The following SEC63 variants were observed in gnomAD, a reference collection of about 807,000 sequenced individuals.
SEC63 encodes SEC63 protein translocation regulator.
Under a neutral mutation model 116.2 loss-of-function variants are expected in SEC63, and 56 were observed. The ratio of observed to expected loss-of-function variants is 0.48; its 90% CI spans 0.39 to 0.60. SEC63 has a LOEUF of 0.60. Among genes scored for constraint, SEC63 ranks in the 20% least tolerant of loss-of-function variants. The pLI, the probability that SEC63 is intolerant of heterozygous loss-of-function variation, is 0.00. For missense variants in SEC63, 668 were observed against 900.0 expected (o/e 0.74, Z 3.30); for synonymous variants, 273 against 294.6 (o/e 0.93, Z 0.75).
chr6:107,910,700 TA>T (rs1393783158), intron 7 of SEC63, among the ~76,000 whole-genome samples: 1 of 152,140 alleles, frequency 6.6e-6, no homozygotes, highest in Non-Finnish European at 1.5e-5. Flanking sequence ...ATGTCATACA[TA>T]TATACATACA....
chr6:107,911,467 G>T, intron 6 of SEC63, 71 bp from the exon 7 acceptor site: 1 of 1,049,742 alleles, frequency 9.5e-7, no homozygotes, highest in South Asian at 1.3e-5. Context: ...AATTTATTTT[G>T]AGGCTTACAA....
chr6:107,890,723 T>C (rs1340495504), intron 16 of SEC63, among the ~76,000 whole-genome samples: 1 of 152,222 alleles, frequency 6.6e-6, no homozygotes, highest in Non-Finnish European at 1.5e-5. Flanking sequence ...TTCCTTTCCA[T>C]GTTTAGTGCT....
In SEC63 at chr6:107,881,141, T is replaced by C; in HGVS notation, c.1935+8A>G. 1 of 1,569,280 alleles carries C rather than the reference T, an allele frequency of 6.4e-7. No homozygotes were observed. The highest frequency in any genetic ancestry group is 8.8e-7 in the Non-Finnish European group (1 of 1,140,746). On this transcript the variant is annotated splice_region_variant and intron_variant, in intron 18 of 20. Coordinates refer to ENST00000369002, the MANE Select transcript of SEC63 (RefSeq NM_007214.5). Reference sequence around the variant, plus strand: ...AATAAGGAACACAGTAGCCTGTATATAACTCACCTCAGGAAAGTAAAGGCT... The same window carrying C: ...AATAAGGAACACAGTAGCCTGTATACAACTCACCTCAGGAAAGTAAAGGCT...
intron 3 of SEC63, among the ~76,000 whole-genome samples, chr6:107,922,891 T>C (rs1196883534): frequency 6.6e-6 from 1 of 151,782 alleles, no homozygotes; most frequent in Non-Finnish European, 1.5e-5. Flanking sequence ...TAAAAGTAAG[T>C]GCCATGGGGG....
intron 4 of SEC63, among the ~76,000 whole-genome samples, chr6:107,920,522 A>C (rs1787531988): frequency 6.6e-6 from 1 of 152,172 alleles, no homozygotes; most frequent in Admixed American, 6.5e-5. Context: ...TAGGAAACAA[A>C]AAAATTTGTG....
chr6:107,867,756 T>G lies in SEC63; in HGVS notation c.*3948A>C, dbSNP rs374547546. ...TGGACCCAAATCAGAAAAAAAAAAA[T>G]TAATGCACCAATAAATGTTTATTTA... is the stretch of plus-strand genomic sequence containing the variant. On this transcript the variant is annotated 3_prime_UTR_variant, in exon 21 of 21. Coordinates refer to ENST00000369002, the MANE Select transcript of SEC63 (RefSeq NM_007214.5). The G allele has an allele frequency of 1.5e-5, 2 of 134,090 alleles. No homozygotes were observed. Among genetic ancestry groups the G allele is most frequent in the Admixed American group, 7.4e-5 (1 of 13,472 alleles). The allele number at this position is 134,090 out of a possible 1,614,324, so 8.3% of individuals were successfully genotyped here.
At chr6:107,886,745 T>G (rs921025050) in intron 16 of SEC63, among the ~76,000 whole-genome samples, 8 of 152,198 alleles carry the variant, frequency 5.3e-5, no homozygotes, top group Admixed American at 2.0e-4. Flanking sequence ...TCTTTGTAGA[T>G]TCTGGCTATC....
chr6:107,903,371 T>A (rs1448719901), intron 11 of SEC63, among the ~76,000 whole-genome samples: 2 of 151,638 alleles, frequency 1.3e-5, no homozygotes, highest in Non-Finnish European at 2.9e-5. Context: ...GACCAGAAAT[T>A]CCCTCATTCT....
chr6:107,934,650 A>G (rs1157791232), intron 1 of SEC63, among the ~76,000 whole-genome samples: 1 of 121,794 alleles, frequency 8.2e-6, no homozygotes. Context: ...CAGGCCAGCC[A>G]CCCCGTCCAG....
intron 13 of SEC63, among the ~76,000 whole-genome samples, chr6:107,897,990 C>T (rs1786902784): frequency 6.6e-6 from 1 of 152,116 alleles, no homozygotes; most frequent in African/African-American, 2.4e-5. Flanking sequence ...TTTAGCCAGG[C>T]TTGGTGGCTC....
chr6:107,934,411 C>T (rs1442945663), intron 1 of SEC63, among the ~76,000 whole-genome samples: 5 of 150,870 alleles, frequency 3.3e-5, no homozygotes, highest in Admixed American at 6.6e-5. Flanking sequence ...CTGTGCCCCG[C>T]GGCCCCGTCT....
intron 7 of SEC63, among the ~76,000 whole-genome samples, chr6:107,909,428 A>C (rs932259151): frequency 3.3e-5 from 5 of 152,028 alleles, no homozygotes; most frequent in African/African-American, 1.2e-4. Flanking sequence ...AGTTTGAGGC[A>C]GAATATGTTT....
At chr6:107,910,193 T>C (rs1056056132) in intron 7 of SEC63, among the ~76,000 whole-genome samples, 3 of 152,166 alleles carry the variant, frequency 2.0e-5, no homozygotes, top group Admixed American at 6.5e-5. Flanking sequence ...CAGCCAGGCA[T>C]GGTGGTTCAC....
In SEC63 at chr6:107,869,779, T is replaced by TTG. The variant is rs1786086876; in HGVS notation, c.*1924_*1925insCA. Reference sequence around the variant, plus strand: ...AATTTTCTGGTGATGGTAGTTTTTTTTTTTTTTTTTTTTTTAAGCACTGTG... The same window carrying TTG: ...AATTTTCTGGTGATGGTAGTTTTTTTTGTTTTTTTTTTTTTTTAAGCACTGTG... On this transcript the variant is annotated 3_prime_UTR_variant, in exon 21 of 21. Coordinates refer to ENST00000369002, the MANE Select transcript of SEC63 (RefSeq NM_007214.5). 1 of 5,942 alleles carries TTG rather than the reference T, an allele frequency of 1.7e-4. No individual in the cohort carries two copies. Among genetic ancestry groups the TTG allele is most frequent in the African/African-American group, 3.1e-4 (1 of 3,268 alleles). The allele number at this position is 5,942 out of a possible 1,614,324, so 0.4% of individuals were successfully genotyped here. A position where few individuals can be genotyped will look rare whatever the true frequency, so the allele number is the denominator to read the frequency against.
At chr6:107,922,634 G>A (rs1057206031) in intron 3 of SEC63, among the ~76,000 whole-genome samples, 2 of 152,152 alleles carry the variant, frequency 1.3e-5, no homozygotes, top group Non-Finnish European at 2.9e-5. Context: ...GGTTTCAGCT[G>A]CTTGTCTATC....
At position 107,883,165 on chromosome 6, in the gene SEC63, C is replaced by T. The variant is rs773934799; in HGVS notation, c.1675-19G>A. 3.1e-6 allele frequency: 5 copies of T among 1,610,146 alleles called. No individual in the cohort carries two copies. Among genetic ancestry groups the T allele is most frequent in the Non-Finnish European group, 4.2e-6 (5 of 1,179,534 alleles). On this transcript the variant is annotated intron_variant, in intron 16 of 20. Transcript: ENST00000369002. ...CAGCTTCCTAAAAGGGAAAGGCAAA[C>T]ACAAAGATTCTGCATATCTCAATGA...
Position 107,904,725 on chromosome 6 carries a change from C to A in SEC63, c.962-4G>T. 1.9e-6 allele frequency: 3 copies of A among 1,604,374 alleles called. No individual in the cohort carries two copies. Among genetic ancestry groups the A allele is most frequent in the East Asian group, 4.5e-5 (2 of 44,828 alleles). On this transcript the variant is annotated splice_region_variant and splice_polypyrimidine_tract_variant and intron_variant, in intron 10 of 20. Transcript: ENST00000369002. The stretch of plus-strand genomic sequence containing the variant: ...TTTTTTAGCATGAATTGCTGATCTG[C>A]AAAACAATAAAAAACCTGAAACAGA...
At chr6:107,888,918 C>A (rs957222116) in intron 16 of SEC63, among the ~76,000 whole-genome samples, 1 of 152,174 alleles carries the variant, frequency 6.6e-6, no homozygotes, top group African/African-American at 2.4e-5. Context: ...GTTGAACCAG[C>A]CTTGCATCCC....
At position 107,911,396 on chromosome 6, in the gene SEC63, C is replaced by A. The variant is rs1208220391; in HGVS notation, c.574G>T (p.Val192Phe). The A allele has an allele frequency of 2.5e-6, 4 of 1,599,238 alleles. No individual in the cohort carries two copies. Among genetic ancestry groups the A allele is most frequent in the Non-Finnish European group, 3.4e-6 (4 of 1,166,936 alleles). Residue 192 changes from valine (V) to phenylalanine (F), a missense_variant and splice_region_variant, in exon 7 of 21, where the codon GTT (valine) becomes TTT (phenylalanine). Val to Phe is a conservative substitution (Grantham distance 50). Coordinates refer to ENST00000369002, the MANE Select transcript of SEC63 (RefSeq NM_007214.5). ...WIVDQKNSILVLLVYGLAFMV... is the reference protein window; with the variant it reads ...WIVDQKNSILFLLVYGLAFMV... ...AATGCCAATCCATATACAAGTAAAA[C>A]CTAAAATTGAAGAGAAAAAGAATTA...
Sources: allele counts gnomAD v4.1 joint callset (sites outside exome capture counted in the v4.1 genomes callset), GRCh38; gene constraint gnomAD v4.1.1; transcripts MANE v1.5; gene names NCBI Gene and HGNC (gene_info 2026-07-23, HGNC 2026-07-21).